NOMO3: variants seen among roughly 807,000 people sequenced by gnomAD.
The protein encoded by NOMO3 is BOS complex subunit NOMO3.
NOMO3 carries 15 observed loss-of-function variants against 69.9 expected under a neutral mutation model. That is an observed-to-expected ratio of 0.21 (90% CI 0.14 to 0.33). The LOEUF (loss-of-function observed/expected upper bound fraction) is 0.33. Ranked by LOEUF, NOMO3 falls within the 10% of genes least tolerant of loss-of-function variation. The probability of loss-of-function intolerance (pLI) is 1.00; values close to 1 mark genes in which losing one functional copy is unlikely to be tolerated. For synonymous variants in NOMO3, 89 were observed against 301.9 expected (o/e 0.29, Z 7.31); for missense variants, 218 against 761.0 (o/e 0.29, Z 8.39).
chr16:16,254,219 A>G lies in NOMO3; in HGVS notation c.964-1501A>G, dbSNP rs918250405. On this transcript the variant is annotated intron_variant, in intron 9 of 30. Transcript: ENST00000399336. Reference sequence around the variant, plus strand: ...CTATTCCCAGATTACAGCCAAATACATATTTTGAAAATGATGAATGGAATT... The same window carrying G: ...CTATTCCCAGATTACAGCCAAATACGTATTTTGAAAATGATGAATGGAATT... 5.7e-5 allele frequency among the ~76,000 whole-genome samples: 8 copies of G among 140,862 alleles called. 1 individual carries two copies. The highest frequency in any genetic ancestry group is 2.1e-4 in the African/African-American group (7 of 33,222). The allele number at this position is 140,862 out of a possible 152,430, so 92.4% of individuals were successfully genotyped here.
chr16:16,260,816 G>A (rs1229578974), intron 11 of NOMO3: 3 of 143,134 alleles, frequency 2.1e-5, no homozygotes, highest in Non-Finnish European at 2.9e-5. Context: ...GGGGCCTCTC[G>A]TGTGTTATTC....
At position 16,254,748 on chromosome 16, in the gene NOMO3, A is replaced by G. The variant is rs2856546; in HGVS notation, c.964-972A>G. On this transcript the variant is annotated intron_variant, in intron 9 of 30. Transcript: ENST00000399336. ...GTAAGTTTGATGAAGATATTAAAATAGGTTAGCAGTGGTGACCTTGGGGAT... is the reference window on the plus strand; with the variant it reads ...GTAAGTTTGATGAAGATATTAAAATGGGTTAGCAGTGGTGACCTTGGGGAT... Among the ~76,000 whole-genome samples the G allele has an allele frequency of 1.7e-4, 25 of 144,412 alleles. 2 individuals are homozygous for G. Among genetic ancestry groups the G allele is most frequent in the South Asian group, 4.3e-4 (2 of 4,604 alleles). The allele number at this position is 144,412 out of a possible 152,430, so 94.7% of individuals were successfully genotyped here. A position where few individuals can be genotyped will look rare whatever the true frequency, so the allele number is the denominator to read the frequency against.
rs747818474 is a variant in NOMO3 at position 16,256,058 on chromosome 16, A to G, written c.1120A>G (p.Thr374Ala). The change falls in exon 11 of 31, where the codon ACA becomes GCA. Residue 374 changes from threonine to alanine, a missense_variant. Thr to Ala is a moderately conservative substitution (Grantham distance 58). Transcript: ENST00000399336. ...SFRLENITTG[T>A]YTIHAQKEHL... The stretch of plus-strand genomic sequence containing the variant: ...CCGCCTTGAGAACATAACCACAGGG[A>G]CATACACCATCCATGCTCAGAAAGA... The G allele has an allele frequency of 1.3e-6, 2 of 1,584,764 alleles. No individual in the cohort carries two copies. The highest frequency in any genetic ancestry group is 1.7e-6 in the Non-Finnish European group (2 of 1,174,436).
At chr16:16,236,518 G>A (rs1299277372) in intron 1 of NOMO3, among the ~76,000 whole-genome samples, 3 of 144,504 alleles carry the variant, frequency 2.1e-5, no homozygotes, top group African/African-American at 5.6e-5. Flanking sequence ...GAAGTGCTGG[G>A]AGTACTGGCA....
At chr16:16,274,238 A>G (rs569511492) in intron 20 of NOMO3, among the ~76,000 whole-genome samples, 163 bp downstream of exon 20, 1 of 131,680 alleles carries the variant, frequency 7.6e-6, no homozygotes, top group East Asian at 2.9e-4. Context: ...GGATGGATGG[A>G]TGGATGGATG....
chr16:16,232,532 G>A lies in NOMO3; in HGVS notation c.-135G>A. ...CCGTGGGGTCGAAGCGCGCGTGCGC[G>A]GCGGCGGCTGGCGGCGGCGGTGGGG... On this transcript the variant is annotated 5_prime_UTR_variant, in exon 1 of 31. Coordinates refer to ENST00000399336, the MANE Select transcript of NOMO3 (RefSeq NM_001004067.4). 1 of 1,224,638 alleles carries A rather than the reference G, an allele frequency of 8.2e-7. No homozygotes were observed. The highest frequency in any genetic ancestry group is 3.0e-5 in the South Asian group (1 of 32,832). The allele number at this position is 1,224,638 out of a possible 1,614,324, so 75.9% of individuals were successfully genotyped here.
At chr16:16,254,445 A>T (rs1273098714) in intron 9 of NOMO3, among the ~76,000 whole-genome samples, 1 of 142,436 alleles carries the variant, frequency 7.0e-6, no homozygotes, top group Non-Finnish European at 1.5e-5. Context: ...ACTACCTGTC[A>T]TGTGAGACCA....
At chr16:16,267,359 G>A in intron 16 of NOMO3, 1 of 501,072 alleles carries the variant, frequency 2.0e-6, no homozygotes, top group Non-Finnish European at 3.4e-6. Context: ...TCTCTTTATA[G>A]AGCTGTTTTA....
chr16:16,235,514 T>G (rs143083142), intron 1 of NOMO3, among the ~76,000 whole-genome samples: 4,971 of 147,606 alleles, frequency 0.034, 245 homozygotes, highest in African/African-American at 0.05. Flanking sequence ...CCATTTTACT[T>G]ATTTTATTTT....
chr16:16,268,308 C>T (rs1459495022), intron 16 of NOMO3, among the ~76,000 whole-genome samples: 1 of 146,110 alleles, frequency 6.8e-6, no homozygotes, highest in Non-Finnish European at 1.5e-5. Context: ...TTTTAAGAAA[C>T]TGTCAAATTG....
intron 2 of NOMO3, among the ~76,000 whole-genome samples, chr16:16,237,850 C>G (rs2049340781): frequency 6.9e-6 from 1 of 144,284 alleles, no homozygotes; most frequent in African/African-American, 2.8e-5. Flanking sequence ...GTTTCCGGCC[C>G]TCTTATAAAA....
At chr16:16,270,234 G>A (rs1189975324) in intron 17 of NOMO3, 50 bp downstream of exon 17, 1 of 1,574,200 alleles carries the variant, frequency 6.4e-7, no homozygotes, top group Non-Finnish European at 8.5e-7. Context: ...ATTCCGTGGA[G>A]GATTCTTCAT....
intron 13 of NOMO3, 103 bp from the exon 14 acceptor site, chr16:16,263,410 G>A (rs2049581488): frequency 2.0e-5 from 29 of 1,486,458 alleles, no homozygotes; most frequent in Non-Finnish European, 2.6e-5. Context: ...CTGCCTCTTA[G>A]GAGCTCAGCA....
Position 16,255,104 on chromosome 16 carries a change from G to C in NOMO3, c.964-616G>C, listed in dbSNP as rs2049499210. 4.9e-5 allele frequency among the ~76,000 whole-genome samples: 7 copies of C among 143,692 alleles called. 2 individuals are homozygous for C. In the South Asian group the frequency reaches 1.5e-3, roughly 32 times the overall value. 94.3% of individuals were successfully genotyped at this position (143,692 alleles called of 152,430 possible). ...ATTTTTGTATTTTTAGTGGAGACAG[G>C]GCTTCACCATGTTGGCCAGGCTGGT... is the stretch of plus-strand genomic sequence containing the variant. On this transcript the variant is annotated intron_variant, in intron 9 of 30. Transcript: ENST00000399336.
chr16:16,262,926 G>T, intron 12 of NOMO3, 148 bp from the exon 13 acceptor site: 1 of 1,410,220 alleles, frequency 7.1e-7, no homozygotes, highest in Non-Finnish European at 9.5e-7. Context: ...TCGTGGATTT[G>T]TTGTGATTGT....
At chr16:16,263,303 T>C in intron 13 of NOMO3, 88 bp downstream of exon 13, 1 of 1,593,088 alleles carries the variant, frequency 6.3e-7, no homozygotes, top group Non-Finnish European at 8.5e-7. Context: ...GTTTTGCCTT[T>C]GTTGTTTGCT....
chr16:16,236,622 G>A (rs2049329098), intron 1 of NOMO3, among the ~76,000 whole-genome samples: 1 of 144,596 alleles, frequency 6.9e-6, no homozygotes, highest in South Asian at 2.2e-4. Flanking sequence ...AAACTTACAC[G>A]AGCAACCTAG....
At chr16:16,233,502 G>GTTTTT (rs1300616875) in intron 1 of NOMO3, among the ~76,000 whole-genome samples, 2 of 92,888 alleles carry the variant, frequency 2.2e-5, no homozygotes, top group African/African-American at 4.2e-5. Flanking sequence ...TGTGCTGAAG[G>GTTTTT]TTTTTTTTTT....
chr16:16,266,439 A>C (rs1471229237), intron 15 of NOMO3, among the ~76,000 whole-genome samples: 17 of 79,890 alleles, frequency 2.1e-4, no homozygotes, highest in African/African-American at 4.7e-4. Flanking sequence ...ATCTCCTCCC[A>C]CTGTCCCCTC....
Sources: allele counts gnomAD v4.1 joint callset (sites outside exome capture counted in the v4.1 genomes callset), GRCh38; gene constraint gnomAD v4.1.1; transcripts MANE v1.5; gene names NCBI Gene and HGNC (gene_info 2026-07-23, HGNC 2026-07-21).